Variants in IMPDH1 observed in about 807,000 individuals in gnomAD.
IMPDH1 encodes inosine monophosphate dehydrogenase 1, also known as inosine-5'-monophosphate dehydrogenase 1.
Under a neutral mutation model 73.5 loss-of-function variants are expected in IMPDH1, and 41 were observed. That is an observed-to-expected ratio of 0.56 (90% CI 0.43 to 0.72). The LOEUF is 0.72. Ranked by LOEUF, IMPDH1 falls within the 30% of genes least tolerant of loss-of-function variation. The pLI is 0.00. For missense variants in IMPDH1, 645 were observed against 824.8 expected (o/e 0.78, Z 2.67); for synonymous variants, 318 against 334.3 (o/e 0.95, Z 0.53).
rs753944343 is a variant in IMPDH1 at position 128,395,284 on chromosome 7, G to C, written c.1262-10C>G. 6.2e-7 allele frequency: 1 copy of C among 1,612,872 alleles called. No homozygotes were observed. Among genetic ancestry groups the C allele is most frequent in the Non-Finnish European group, 8.5e-7 (1 of 1,180,026 alleles). Reference sequence around the variant, plus strand: ...CGACCACAGGCCATCACTGGGGGAGGGTGGGGTGCACAAGGCAGAGAAGAG... The same window carrying C: ...CGACCACAGGCCATCACTGGGGGAGCGTGGGGTGCACAAGGCAGAGAAGAG... On this transcript the variant is annotated splice_polypyrimidine_tract_variant and intron_variant, in intron 12 of 16. Coordinates refer to ENST00000338791, the MANE Select transcript of IMPDH1 (RefSeq NM_000883.4).
chr7:128,400,329 G>T lies in IMPDH1; in HGVS notation c.786+4C>A. The T allele has an allele frequency of 6.2e-7, 1 of 1,613,264 alleles. No homozygotes were observed. The highest frequency in any genetic ancestry group is 1.3e-5 in the African/African-American group (1 of 75,022). Reference sequence around the variant, plus strand: ...CAGCCCTGCTTCCCCTGCCCTGCAGGTACCTCACTGAGGAGGGTGGTGTGG... The same window carrying T: ...CAGCCCTGCTTCCCCTGCCCTGCAGTTACCTCACTGAGGAGGGTGGTGTGG... On this transcript the variant is annotated splice_donor_region_variant and intron_variant, in intron 8 of 16. Transcript: ENST00000338791.
In IMPDH1 at chr7:128,394,689, G is replaced by A; in HGVS notation, c.1551-90C>T. On this transcript the variant is annotated intron_variant, in intron 14 of 16. Coordinates refer to ENST00000338791, the MANE Select transcript of IMPDH1 (RefSeq NM_000883.4). This position sits in a 1 kb window ranked among gnomAD's most constrained non-coding sequence, Gnocchi z 5.5. ...AAGGGCAAAAACGGGATACCGCCCA[G>A]GAAGGTCCCCCAGGCCACCCCTCAC... 4 of 1,538,236 alleles carry A rather than the reference G, an allele frequency of 2.6e-6. No homozygotes were observed. Among genetic ancestry groups the A allele is most frequent in the Non-Finnish European group, 3.6e-6 (4 of 1,124,346 alleles).
rs1452014963 is a variant in IMPDH1, at chr7:128,394,676, G to A, written c.1551-77C>T. 18 of 1,570,798 alleles carry A rather than the reference G, an allele frequency of 1.1e-5. No homozygotes were observed. The highest frequency in any genetic ancestry group is 3.4e-5 in the Admixed American group (2 of 59,282). On this transcript the variant is annotated intron_variant, in intron 14 of 16. Coordinates refer to ENST00000338791, the MANE Select transcript of IMPDH1 (RefSeq NM_000883.4). The surrounding 1 kb of genome is among the most constrained non-coding windows in gnomAD (Gnocchi z 5.5). The stretch of plus-strand genomic sequence containing the variant: ...CACCCCACCTCTTAAGGGCAAAAAC[G>A]GGATACCGCCCAGGAAGGTCCCCCA...
At chr7:128,409,733 G>A (rs779616540) in intron 1 of IMPDH1, 23 bp downstream of exon 1, 1 of 1,525,328 alleles carries the variant, frequency 6.6e-7, no homozygotes, top group African/African-American at 1.4e-5. Flanking sequence ...GATGCGCCCC[G>A]CGCGCTCTGC....
chr7:128,398,698 A>G lies in IMPDH1; in HGVS notation c.875-85T>C. Reference sequence around the variant, plus strand: ...TTTAGGAGGGTGAAGATGAAAGTGGACCACTCCAGAGATTCCACTGAAGTA... The same window carrying G: ...TTTAGGAGGGTGAAGATGAAAGTGGGCCACTCCAGAGATTCCACTGAAGTA... On this transcript the variant is annotated intron_variant, in intron 9 of 16. Coordinates refer to ENST00000338791, the MANE Select transcript of IMPDH1 (RefSeq NM_000883.4). The surrounding 1 kb of genome is among the most constrained non-coding windows in gnomAD (Gnocchi z 4.3). 3.6e-6 allele frequency: 4 copies of G among 1,112,638 alleles called. No homozygotes were observed. In the South Asian group the frequency reaches 5.0e-5, roughly 14 times the overall value. 68.9% of individuals were successfully genotyped at this position (1,112,638 alleles called of 1,614,324 possible). A position where few individuals can be genotyped will look rare whatever the true frequency, so the allele number is the denominator to read the frequency against.
In IMPDH1 at chr7:128,396,318, G is replaced by C. The variant is rs562465854; in HGVS notation, c.1261+282C>G. Among the ~76,000 whole-genome samples, 3 of 152,284 alleles carry C rather than the reference G, an allele frequency of 2.0e-5. No individual in the cohort carries two copies. The highest frequency in any genetic ancestry group is 4.4e-5 in the Non-Finnish European group (3 of 68,024). ...GTCACAAATCAAATCCAAACCCTGA[G>C]GTTCCAACAAGCCCCATGGACAGTC... is the stretch of plus-strand genomic sequence containing the variant. On this transcript the variant is annotated intron_variant, in intron 12 of 16. Coordinates refer to ENST00000338791, the MANE Select transcript of IMPDH1 (RefSeq NM_000883.4). The surrounding 1 kb of genome is among the most constrained non-coding windows in gnomAD (Gnocchi z 4.0).
At chr7:128,401,861 G>A (rs1798361860) in intron 5 of IMPDH1, among the ~76,000 whole-genome samples, 1 of 152,160 alleles carries the variant, frequency 6.6e-6, no homozygotes, top group Non-Finnish European at 1.5e-5. Flanking sequence ...AAAGGCCAGA[G>A]CACATACCCC....
intron 12 of IMPDH1, among the ~76,000 whole-genome samples, chr7:128,395,986 G>A (rs1296007047): frequency 6.6e-5 from 10 of 152,196 alleles, no homozygotes; most frequent in African/African-American, 2.4e-4. Context: ...GCATCACTCA[G>A]TGTTTTGGAG....
At position 128,398,496 on chromosome 7, in the gene IMPDH1, C is replaced by T; in HGVS notation, c.992G>A (p.Cys331Tyr). Residue 331 changes from cysteine (C) to tyrosine (Y), a missense_variant, in exon 10 of 17, where the codon TGT (cysteine) becomes TAT (tyrosine). Around this residue, in one of 2 missense-constraint regions of IMPDH1, gnomAD observed 459 missense variants for 638.2 expected, o/e 0.72. Coordinates refer to ENST00000338791, the MANE Select transcript of IMPDH1 (RefSeq NM_000883.4). This position sits in a 1 kb window ranked among gnomAD's most constrained non-coding sequence, Gnocchi z 4.3. Reference sequence around the variant, plus strand: ...CTCACGGGTGCCCACAGCTGCCCCACAGAGCAGCTGCTTCTGGGAATCCTT... The same window carrying T: ...CTCACGGGTGCCCACAGCTGCCCCATAGAGCAGCTGCTTCTGGGAATCCTT... ...ASKDSQKQLL[C>Y]GAAVGTREDD... The T allele has an allele frequency of 6.2e-7, 1 of 1,613,610 alleles. No homozygotes were observed. The highest frequency in any genetic ancestry group is 8.5e-7 in the Non-Finnish European group (1 of 1,179,708).
rs1302110722 is a variant in IMPDH1, at chr7:128,405,768, T to C, written c.352A>G (p.Asn118Asp). 9 of 1,536,968 alleles carry C rather than the reference T, an allele frequency of 5.9e-6. No homozygotes were observed. Among genetic ancestry groups the C allele is most frequent in the Non-Finnish European group, 7.0e-6 (8 of 1,142,480 alleles). The change falls in exon 4 of 17, where the codon AAC (asparagine) becomes GAC (aspartate). Residue 118 changes from asparagine to aspartate, a missense_variant and splice_region_variant. Physicochemically the swap from Asn to Asp is conservative, Grantham distance 23. Coordinates refer to ENST00000338791, the MANE Select transcript of IMPDH1 (RefSeq NM_000883.4). ...LFASADGLTY[N>D]DFLILPGFID... Reference sequence around the variant, plus strand: ...AGGGGTACGAGACCCGGCGCTTACTTGTAGGTGAGGCCGTCGGCGCTGGCG... The same window carrying C: ...AGGGGTACGAGACCCGGCGCTTACTCGTAGGTGAGGCCGTCGGCGCTGGCG...
chr7:128,400,299 A>C (rs1562992833), intron 8 of IMPDH1, 34 bp downstream of exon 8: 1 of 1,609,278 alleles, frequency 6.2e-7, no homozygotes, highest in Non-Finnish European at 8.5e-7. Flanking sequence ...GGTCCTCTCT[A>C]CACCCAGCCC....
chr7:128,392,757 T>G lies in IMPDH1; in HGVS notation c.*250A>C. On this transcript the variant is annotated 3_prime_UTR_variant, in exon 17 of 17. Transcript: ENST00000338791. ...AAAGACCTGAGGCAGGCGCAGGGCC[T>G]GAGAGCCTGGCTGGCTGGGCTCGGA... 1.3e-5 allele frequency: 7 copies of G among 538,034 alleles called. No individual in the cohort carries two copies. Among genetic ancestry groups the G allele is most frequent in the East Asian group, 3.1e-5 (1 of 31,794 alleles). The allele number at this position is 538,034 out of a possible 1,614,324, so 33.3% of individuals were successfully genotyped here. A position where few individuals can be genotyped will look rare whatever the true frequency, so the allele number is the denominator to read the frequency against.
chr7:128,401,258 G>A lies in IMPDH1; in HGVS notation c.403-142C>T, dbSNP rs1369873339. On this transcript the variant is annotated intron_variant, in intron 5 of 16. Coordinates refer to ENST00000338791, the MANE Select transcript of IMPDH1 (RefSeq NM_000883.4). ...TGGATGAGTTCCCAGCTCATCTAAT[G>A]GAGCTTATGTTCTACTTGGAAAGAA... 8.6e-6 allele frequency: 6 copies of A among 701,482 alleles called. No individual in the cohort carries two copies. In the East Asian group the frequency reaches 1.1e-4, roughly 13 times the overall value. The allele number at this position is 701,482 out of a possible 1,614,324, so 43.5% of individuals were successfully genotyped here. A position where few individuals can be genotyped will look rare whatever the true frequency, so the allele number is the denominator to read the frequency against.
At position 128,396,222 on chromosome 7, in the gene IMPDH1, G is replaced by GTTC. The variant is rs1463461858; in HGVS notation, c.1261+377_1261+378insGAA. ...GGAACTCCCCACGCCCAACCACATG[G>GTTC]TGAAGCAGGTGTATAACATATCTTT... On this transcript the variant is annotated intron_variant, in intron 12 of 16. Coordinates refer to ENST00000338791, the MANE Select transcript of IMPDH1 (RefSeq NM_000883.4). The surrounding 1 kb of genome is among the most constrained non-coding windows in gnomAD (Gnocchi z 4.0). Among the ~76,000 whole-genome samples, 9 of 152,182 alleles carry GTTC rather than the reference G, an allele frequency of 5.9e-5. No homozygotes were observed. The highest frequency in any genetic ancestry group is 2.2e-4 in the African/African-American group (9 of 41,444).
intron 16 of IMPDH1, 63 bp from the exon 17 acceptor site, chr7:128,393,091 C>A: frequency 6.3e-7 from 1 of 1,578,724 alleles, no homozygotes; most frequent in Non-Finnish European, 8.7e-7. Context: ...CTTCCCAAAA[C>A]CCTTTCCCCA....
chr7:128,397,060 T>C (rs1797972628), intron 10 of IMPDH1, 38 bp from the exon 11 acceptor site: 5 of 1,462,092 alleles, frequency 3.4e-6, no homozygotes, highest in South Asian at 1.1e-5. Flanking sequence ...CTTAGACAGC[T>C]GAGGATTCTC....
In IMPDH1 at chr7:128,400,805, C is replaced by T. The variant is rs1390831748; in HGVS notation, c.579+12G>A. ...CAGGTGGCATCTTGCTGGGGACAGG[C>T]CTGGTACTTGCCTTGACCTTCCGCA... On this transcript the variant is annotated intron_variant, in intron 7 of 16. Coordinates refer to ENST00000338791, the MANE Select transcript of IMPDH1 (RefSeq NM_000883.4). 2 of 1,613,216 alleles carry T rather than the reference C, an allele frequency of 1.2e-6. No individual in the cohort carries two copies. Among genetic ancestry groups the T allele is most frequent in the African/African-American group, 2.7e-5 (2 of 74,902 alleles).
chr7:128,408,917 A>G (rs887333942), intron 3 of IMPDH1, among the ~76,000 whole-genome samples: 2 of 152,322 alleles, frequency 1.3e-5, no homozygotes, highest in South Asian at 4.1e-4. Context: ...AAGTTCTTAC[A>G]TAAGCGGCCA....
intron 4 of IMPDH1, 131 bp downstream of exon 4, chr7:128,405,636 C>T: frequency 7.6e-7 from 1 of 1,318,464 alleles, no homozygotes; most frequent in Non-Finnish European, 9.8e-7. Context: ...TTCCCGTGCC[C>T]AGCCCCCAGC....
Sources: gnomAD v4.1 joint callset for allele counts (sites outside exome capture counted in the v4.1 genomes callset) on GRCh38, gnomAD v4.1.1 for gene constraint, gnomAD v4.1.1 regional missense constraint, Gnocchi (gnomAD v3.1) non-coding constraint, MANE v1.5 for transcripts, NCBI Gene and HGNC (gene_info 2026-07-23, HGNC 2026-07-21) for gene names.